The following DMD variants were observed in gnomAD, a reference collection of about 807,000 sequenced individuals.
DMD encodes dystrophin.
In DMD, 63 loss-of-function variants were observed where a neutral mutation model predicts 330.1. That is an observed-to-expected ratio of 0.19 (90% CI 0.16 to 0.24). DMD has a LOEUF of 0.24. DMD is among the 10% of genes least tolerant of loss of function. The pLI, the probability that DMD is intolerant of heterozygous loss-of-function variation, is 1.00. For synonymous variants in DMD, 1,223 were observed against 959.8 expected, an observed-to-expected ratio of 1.27 and a Z score of -5.07; for missense variants, 3,344 against 2,684.1, an observed-to-expected ratio of 1.25 and a Z score of -5.43.
chrX:32,152,507 T>G (rs1394568629), intron 44 of DMD, among the ~76,000 whole-genome samples: 1 of 111,411 alleles, frequency 9.0e-6, no homozygotes, highest in Non-Finnish European at 1.9e-5. Flanking sequence ...TCCTGGATTC[T>G]ATATTTGTCT....
At chrX:31,294,323 T>A (rs2054000359) in intron 62 of DMD, among the ~76,000 whole-genome samples, 1 of 111,821 alleles carries the variant, frequency 8.9e-6, no homozygotes, top group African/African-American at 3.3e-5. Context: ...ATTGTAAGAA[T>A]CAAGTGTGAT....
intron 2 of DMD, among the ~76,000 whole-genome samples, chrX:32,940,721 A>G (rs1211104127): frequency 1.8e-5 from 2 of 111,763 alleles, no homozygotes; most frequent in Non-Finnish European, 3.8e-5. Context: ...CCTAAGAAAC[A>G]TCATTCTGGA....
At chrX:31,272,102 C>T (rs1370930454) in intron 62 of DMD, among the ~76,000 whole-genome samples, 1 of 111,442 alleles carries the variant, frequency 9.0e-6, no homozygotes, top group African/African-American at 3.3e-5. Context: ...CCATCTAAAC[C>T]AGAGATTTCA....
chrX:32,600,041 G>A (rs768588692), intron 12 of DMD, among the ~76,000 whole-genome samples: 1 of 111,848 alleles, frequency 8.9e-6, no homozygotes, highest in African/African-American at 3.2e-5. Context: ...TAGTTAAAGG[G>A]CTTAACAAAA....
At chrX:31,941,468 G>A (rs2094999497) in intron 45 of DMD, among the ~76,000 whole-genome samples, 1 of 111,355 alleles carries the variant, frequency 9.0e-6, no homozygotes, top group South Asian at 3.8e-4. Flanking sequence ...GTCCTCATAA[G>A]TCCACTTGAG....
chrX:32,349,240 G>C lies in DMD; in HGVS notation c.5326-712C>G, dbSNP rs1200435793. ...CTTTCTAAACAAAACCCTTGAAAAGGAGTGATAAGTGAAAAGACATGGAAA... is the reference window on the plus strand; with the variant it reads ...CTTTCTAAACAAAACCCTTGAAAAGCAGTGATAAGTGAAAAGACATGGAAA... On this transcript the variant is annotated intron_variant, in intron 37 of 78. Transcript: ENST00000357033. Among the ~76,000 whole-genome samples, 5 of 111,288 alleles carry C rather than the reference G, an allele frequency of 4.5e-5. No individual in the cohort carries two copies. In the Admixed American group the frequency reaches 4.8e-4, roughly 11 times the overall value.
intron 62 of DMD, chrX:31,266,684 C>T (rs2147748584): frequency 1.4e-6 from 1 of 705,571 alleles, no homozygotes; most frequent in Admixed American, 2.6e-5. Context: ...GACGCCCAGC[C>T]GCCCGGCGCC....
chrX:31,963,975 A>G (rs1323232127), intron 45 of DMD, among the ~76,000 whole-genome samples: 1 of 110,850 alleles, frequency 9.0e-6, no homozygotes, highest in Non-Finnish European at 1.9e-5. Flanking sequence ...ATAATGCAAG[A>G]TCTGTCAGTC....
chrX:31,256,263 T>C (rs1044431559), intron 63 of DMD, among the ~76,000 whole-genome samples: 1 of 112,429 alleles, frequency 8.9e-6, no homozygotes, highest in Non-Finnish European at 1.9e-5. Context: ...TTATTCCCTG[T>C]GAAAATCCAA....
At chrX:31,737,049 T>C (rs970473628) in intron 51 of DMD, among the ~76,000 whole-genome samples, 1 of 112,012 alleles carries the variant, frequency 8.9e-6, no homozygotes, top group Non-Finnish European at 1.9e-5. Flanking sequence ...TCAATGTAAT[T>C]ATCATATTAC....
In DMD at chrX:31,632,899, T is replaced by C. The variant is rs184204156; in HGVS notation, c.8028-5037A>G. Among the ~76,000 whole-genome samples the C allele has an allele frequency of 9.1e-4, 102 of 112,108 alleles. 1 individual carries two copies. The highest frequency in any genetic ancestry group is 3.0e-3 in the African/African-American group (92 of 30,976). Reference sequence around the variant, plus strand: ...TTTGTAGAAAGGATTCCTTTTAATCTCTAGCAATTCTATTAGTAACGTGCA... The same window carrying C: ...TTTGTAGAAAGGATTCCTTTTAATCCCTAGCAATTCTATTAGTAACGTGCA... On this transcript the variant is annotated intron_variant, in intron 54 of 78. Transcript: ENST00000357033.
At chrX:31,294,553 G>A (rs1244942363) in intron 62 of DMD, among the ~76,000 whole-genome samples, 1 of 111,854 alleles carries the variant, frequency 8.9e-6, no homozygotes, top group Non-Finnish European at 1.9e-5. Flanking sequence ...GAAGAGTTTG[G>A]GTTGGATTAT....
chrX:33,294,591 T>C (rs2053558808), intron 1 of DMD, among the ~76,000 whole-genome samples: 1 of 110,643 alleles, frequency 9.0e-6, no homozygotes, highest in Non-Finnish European at 1.9e-5. Flanking sequence ...TTTTCTTATA[T>C]TTATTAAGTT....
intron 1 of DMD, among the ~76,000 whole-genome samples, chrX:33,169,356 A>C (rs2049222412): frequency 9.0e-6 from 1 of 111,639 alleles, no homozygotes; most frequent in Admixed American, 9.5e-5. Flanking sequence ...ATCTAGCCTA[A>C]AGATTCCATT....
intron 44 of DMD, among the ~76,000 whole-genome samples, chrX:32,063,365 C>A (rs1054365729): frequency 5.4e-5 from 6 of 111,183 alleles, no homozygotes; most frequent in African/African-American, 2.0e-4. Context: ...TAAACGGAAC[C>A]TCAGAAGTTC....
At chrX:32,036,627 G>A (rs1248087850) in intron 44 of DMD, among the ~76,000 whole-genome samples, 1 of 111,352 alleles carries the variant, frequency 9.0e-6, no homozygotes, top group Non-Finnish European at 1.9e-5. Flanking sequence ...AGATCTATTA[G>A]ACATTTGTGT....
chrX:32,904,362 A>G (rs904336705), intron 2 of DMD, among the ~76,000 whole-genome samples: 1 of 111,173 alleles, frequency 9.0e-6, no homozygotes, highest in African/African-American at 3.3e-5. Context: ...GGCCCACTAA[A>G]TGTTTAGAAA....
chrX:31,719,014 G>C (rs947108628), intron 52 of DMD, among the ~76,000 whole-genome samples: 1 of 111,713 alleles, frequency 9.0e-6, no homozygotes, highest in African/African-American at 3.3e-5. Flanking sequence ...TTTAGATTCA[G>C]TGCTGTTACT....
intron 2 of DMD, among the ~76,000 whole-genome samples, chrX:32,918,854 C>T (rs184624247): frequency 4.5e-5 from 5 of 111,704 alleles, no homozygotes; most frequent in African/African-American, 1.6e-4. Flanking sequence ...AATATGATAC[C>T]TGCTATTGTA....
Sources: allele counts gnomAD v4.1 joint callset (sites outside exome capture counted in the v4.1 genomes callset), GRCh38; gene constraint gnomAD v4.1.1; transcripts MANE v1.5; gene names NCBI Gene and HGNC (gene_info 2026-07-23, HGNC 2026-07-21).